The following ASPA variants were observed in gnomAD, a reference collection of about 807,000 sequenced individuals.
ASPA encodes the protein aspartoacylase.
Under a neutral mutation model 29.6 loss-of-function variants are expected in ASPA, and 25 were observed. That is an observed-to-expected ratio of 0.85 (90% CI 0.62 to 1.18). The LOEUF is 1.18. Ranked by LOEUF, ASPA falls within the 50% of genes most tolerant of loss-of-function variation. The pLI, the probability that ASPA is intolerant of heterozygous loss-of-function variation, is 0.00. For synonymous variants in ASPA, 131 were observed against 130.3 expected (o/e 1.01, Z -0.04); for missense variants, 333 against 385.7 (o/e 0.86, Z 1.14).
chr17:3,489,285 G>A lies in ASPA; in HGVS notation c.577G>A (p.Asp193Asn). 1 of 1,613,160 alleles carries A rather than the reference G, an allele frequency of 6.2e-7. No individual in the cohort carries two copies. The highest frequency in any genetic ancestry group is 8.5e-7 in the Non-Finnish European group (1 of 1,179,736). Residue 193 changes from aspartate (D) to asparagine (N), a missense_variant, in exon 4 of 6, where the codon GAT becomes AAT. By Grantham distance (23) the Asp-to-Asn change is conservative. Coordinates refer to ENST00000263080, the MANE Select transcript of ASPA (RefSeq NM_000049.4). ...AGGGGTTCTGAGAGCTGATATCTTG[G>A]ATCAAATGAGAAAAATGATTAAACA... ...PQGVLRADILDQMRKMIKHAL... is the reference protein window; with the variant it reads ...PQGVLRADILNQMRKMIKHAL...
At chr17:3,493,801 C>G (rs2073865282) in intron 4 of ASPA, among the ~76,000 whole-genome samples, 1 of 152,090 alleles carries the variant, frequency 6.6e-6, no homozygotes, top group Non-Finnish European at 1.5e-5. Context: ...ACCCCTAAAC[C>G]TAGATTCTTT....
rs1329423664 is a variant in ASPA, at chr17:3,499,142, T to C, written c.*54T>C. 17 of 1,561,200 alleles carry C rather than the reference T, an allele frequency of 1.1e-5. 1 individual carries two copies. The highest frequency in any genetic ancestry group is 4.6e-5 in the South Asian group (4 of 86,258). On this transcript the variant is annotated 3_prime_UTR_variant, in exon 6 of 6. Coordinates refer to ENST00000263080, the MANE Select transcript of ASPA (RefSeq NM_000049.4). ...GTGTCTTACAAATTCTGCTAGTCTG[T>C]AAGCTCCTTAAGAGTAGGGTTGTGC...
chr17:3,481,455 T>C, intron 1 of ASPA, 148 bp from the exon 2 acceptor site: 1 of 692,362 alleles, frequency 1.4e-6, no homozygotes, highest in Non-Finnish European at 2.4e-6. Flanking sequence ...TTTTCATATA[T>C]AAACATTTCA....
chr17:3,492,956 GT>G (rs2073849508), intron 4 of ASPA, among the ~76,000 whole-genome samples: 1 of 152,236 alleles, frequency 6.6e-6, no homozygotes. Context: ...TTCTGGGGTA[GT>G]ATGTTATGCA....
In ASPA at chr17:3,476,423, T is replaced by C. The variant is rs909249387; in HGVS notation, c.236+28T>C. On this transcript the variant is annotated intron_variant, in intron 1 of 5. Transcript: ENST00000263080. Reference sequence around the variant, plus strand: ...AAGACTATGCTTTGTATTGTATATGTATGTATGTTGTGTGAAAAGTGGTAG... The same window carrying C: ...AAGACTATGCTTTGTATTGTATATGCATGTATGTTGTGTGAAAAGTGGTAG... The C allele has an allele frequency of 6.9e-6, 11 of 1,598,106 alleles. No individual in the cohort carries two copies. The African/African-American group carries it at 1.2e-4, about 18-fold the overall frequency.
chr17:3,475,892 T>C (rs1039938008), upstream of ASPA: 6 of 482,252 alleles, frequency 1.2e-5, no homozygotes, highest in Admixed American at 3.4e-5. Context: ...CTGAGGGAGT[T>C]AGAAGTTAAA....
chr17:3,492,916 A>C (rs1405147776), intron 4 of ASPA, among the ~76,000 whole-genome samples: 8 of 152,218 alleles, frequency 5.3e-5, no homozygotes, highest in African/African-American at 1.9e-4. Context: ...CATGAACTAA[A>C]TTAGGAGGTG....
chr17:3,493,052 T>C (rs1346846516), intron 4 of ASPA, among the ~76,000 whole-genome samples: 1 of 152,184 alleles, frequency 6.6e-6, no homozygotes, highest in East Asian at 1.9e-4. Context: ...TTCCTTTGAG[T>C]TGTGACCATA....
At chr17:3,494,543 C>T (rs771080216) in intron 5 of ASPA, 84 bp downstream of exon 5, 11 of 1,133,864 alleles carry the variant, frequency 9.7e-6, no homozygotes, top group Admixed American at 5.2e-5. Flanking sequence ...CAGCACTTCG[C>T]GTACATTCGC....
chr17:3,483,647 C>T, intron 3 of ASPA, 55 bp downstream of exon 3: 1 of 1,469,812 alleles, frequency 6.8e-7, no homozygotes, highest in Non-Finnish European at 9.5e-7. Context: ...AGCTGAAACT[C>T]AGAGAAATTT....
chr17:3,481,797 A>G lies in ASPA; in HGVS notation c.431A>G (p.Lys144Arg). The G allele has an allele frequency of 1.3e-6, 2 of 1,594,638 alleles. No individual in the cohort carries two copies. Among genetic ancestry groups the G allele is most frequent in the Non-Finnish European group, 1.7e-6 (2 of 1,166,342 alleles). The stretch of plus-strand genomic sequence containing the variant: ...TTAATTCAGATGTTTCATTACATTA[A>G]GGTAATGTTAATGTTATTAATTTAT... The part of the protein sequence containing the change: ...NFLIQMFHYI[K>R]TSLAPLPCYV... The change falls in exon 2 of 6, where the codon AAG becomes AGG. Residue 144 changes from lysine to arginine, a missense_variant and splice_region_variant. Physicochemically the swap from Lys to Arg is conservative, Grantham distance 26. Coordinates refer to ENST00000263080, the MANE Select transcript of ASPA (RefSeq NM_000049.4).
chr17:3,488,916 T>C lies in ASPA; in HGVS notation c.527-319T>C, dbSNP rs1006252881. Among the ~76,000 whole-genome samples, 1 of 152,230 alleles carries C rather than the reference T, an allele frequency of 6.6e-6. No homozygotes were observed. The highest frequency in any genetic ancestry group is 2.4e-5 in the African/African-American group (1 of 41,464). On this transcript the variant is annotated intron_variant, in intron 3 of 5. Transcript: ENST00000263080. This position sits in a 1 kb window ranked among gnomAD's most constrained non-coding sequence, Gnocchi z 6.1. ...AAACTTGTTCACCTTTTTTACTATG[T>C]TATGACTTTTAAATATTTTAGCAAT...
intron 5 of ASPA, among the ~76,000 whole-genome samples, chr17:3,495,372 G>A (rs2073892302): frequency 6.6e-6 from 1 of 152,148 alleles, no homozygotes; most frequent in Non-Finnish European, 1.5e-5. Context: ...TGGATAATCA[G>A]GATTGAAAAA....
At position 3,502,475 on chromosome 17, in the gene ASPA, G is replaced by A. The variant is rs1392218555; in HGVS notation, c.*3387G>A. ...CTATTTTTTTCAATTTTTATATTTGGGTTAATGGTAATATACTAAGCGTCC... is the reference window on the plus strand; with the variant it reads ...CTATTTTTTTCAATTTTTATATTTGAGTTAATGGTAATATACTAAGCGTCC... On this transcript the variant is annotated 3_prime_UTR_variant, in exon 6 of 6. Transcript: ENST00000263080. 1.3e-5 allele frequency: 2 copies of A among 152,124 alleles called. No homozygotes were observed. The highest frequency in any genetic ancestry group is 4.8e-5 in the African/African-American group (2 of 41,418). 9.4% of individuals were successfully genotyped at this position (152,124 alleles called of 1,614,324 possible).
At position 3,476,164 on chromosome 17, in the gene ASPA, C is replaced by T; in HGVS notation, c.5C>T (p.Thr2Ile). The T allele has an allele frequency of 1.2e-6, 2 of 1,613,418 alleles. No individual in the cohort carries two copies. The highest frequency in any genetic ancestry group is 1.7e-6 in the Non-Finnish European group (2 of 1,179,622). The change falls in exon 1 of 6, where the codon ACT becomes ATT. Residue 2 changes from threonine to isoleucine, a missense_variant. Physicochemically the swap from Thr to Ile is moderately conservative, Grantham distance 89. Transcript: ENST00000263080. Reference sequence around the variant, plus strand: ...AGATAAAAACTACTTGGTGAAATGACTTCTTGTCACATTGCTGAAGAACAT... The same window carrying T: ...AGATAAAAACTACTTGGTGAAATGATTTCTTGTCACATTGCTGAAGAACAT... M[T>I]SCHIAEEHIQ...
chr17:3,493,338 G>A (rs566119209), intron 4 of ASPA, among the ~76,000 whole-genome samples: 41 of 152,124 alleles, frequency 2.7e-4, no homozygotes, highest in African/African-American at 5.3e-4. Flanking sequence ...TGAGGCGGGC[G>A]GATCACAAGG....
In ASPA at chr17:3,479,810, A is replaced by G. The variant is rs145159486; in HGVS notation, c.237-1793A>G. Among the ~76,000 whole-genome samples, 16 of 152,338 alleles carry G rather than the reference A, an allele frequency of 1.1e-4. No homozygotes were observed. The East Asian group carries it at 3.1e-3, about 29-fold the overall frequency. On this transcript the variant is annotated intron_variant, in intron 1 of 5. Coordinates refer to ENST00000263080, the MANE Select transcript of ASPA (RefSeq NM_000049.4). ...GTAGGTCCCTTGAAGATACTAGCAA[A>G]AATAACCAAGGAATACAAATAGATG...
chr17:3,498,846 A>G (rs2073952457), intron 5 of ASPA, 45 bp from the exon 6 acceptor site: 2 of 1,437,430 alleles, frequency 1.4e-6, no homozygotes, highest in Non-Finnish European at 1.8e-6. Context: ...TTTTTAGAGG[A>G]GAAAAACCAA....
Position 3,503,364 on chromosome 17 carries a change from A to T in ASPA, c.*4276A>T, listed in dbSNP as rs2074012154. ...GCATTTTTTTCTATTTTTGTACTTT[A>T]CCAAAATTATTTACATTGGAATAAA... On this transcript the variant is annotated 3_prime_UTR_variant, in exon 6 of 6. Transcript: ENST00000263080. 1 of 152,102 alleles carries T rather than the reference A, an allele frequency of 6.6e-6. No individual in the cohort carries two copies. The highest frequency in any genetic ancestry group is 6.6e-5 in the Admixed American group (1 of 15,266). 9.4% of individuals were successfully genotyped at this position (152,102 alleles called of 1,614,324 possible).
Sources: allele counts gnomAD v4.1 joint callset (sites outside exome capture counted in the v4.1 genomes callset), GRCh38; gene constraint gnomAD v4.1.1; non-coding constraint Gnocchi (gnomAD v3.1); transcripts MANE v1.5; gene names NCBI Gene and HGNC (gene_info 2026-07-23, HGNC 2026-07-21).